TENM4: variants seen among roughly 807,000 people sequenced by gnomAD.
TENM4 encodes teneurin transmembrane protein 4.
TENM4 carries 82 observed loss-of-function variants against 243.3 expected under a neutral mutation model. The ratio of observed to expected loss-of-function variants is 0.34; its 90% CI spans 0.28 to 0.40. The LOEUF is 0.40. TENM4 is among the 10% of genes least tolerant of loss of function. The pLI is 1.00. For missense variants in TENM4, 3,138 were observed against 3,673.3 expected, an observed-to-expected ratio of 0.85 and a Z score of 3.77; for synonymous variants, 1,412 against 1,456.3, an observed-to-expected ratio of 0.97 and a Z score of 0.69.
intron 1 of TENM4, among the ~76,000 whole-genome samples, chr11:79,309,274 TG>T (rs1856679826): frequency 6.6e-6 from 1 of 152,202 alleles, no homozygotes; most frequent in Non-Finnish European, 1.5e-5. Flanking sequence ...TGCAGCCCCT[TG>T]GGTTTACAGG....
intron 12 of TENM4, among the ~76,000 whole-genome samples, chr11:78,831,462 G>A (rs1262013379): frequency 1.3e-5 from 2 of 152,204 alleles, no homozygotes; most frequent in South Asian, 2.1e-4. Context: ...AAGTGCTTGC[G>A]GTAATAAATG....
At chr11:79,042,906 G>A (rs1462490901) in intron 6 of TENM4, among the ~76,000 whole-genome samples, 1 of 152,098 alleles carries the variant, frequency 6.6e-6, no homozygotes, top group Admixed American at 6.6e-5. Flanking sequence ...TTCCTAGAAA[G>A]CTTTTTAGTA....
At chr11:78,738,694 G>A in intron 19 of TENM4, 124 bp from the exon 20 acceptor site, 1 of 915,862 alleles carries the variant, frequency 1.1e-6, no homozygotes, top group Non-Finnish European at 1.6e-6. Flanking sequence ...GTACCCAGGG[G>A]TTCATGGTGT....
chr11:78,927,594 T>C (rs1856579379), intron 6 of TENM4, among the ~76,000 whole-genome samples: 1 of 152,206 alleles, frequency 6.6e-6, no homozygotes. Context: ...TACCTCCCTT[T>C]GCTCAGCGTC....
intron 15 of TENM4, among the ~76,000 whole-genome samples, chr11:78,800,639 T>G (rs1265774319): frequency 6.6e-6 from 1 of 152,064 alleles, no homozygotes; most frequent in African/African-American, 2.4e-5. Flanking sequence ...GACTATTCAC[T>G]GGTTAAGTCA....
chr11:79,241,999 CA>C (rs758048968), intron 2 of TENM4, among the ~76,000 whole-genome samples: 5 of 152,148 alleles, frequency 3.3e-5, no homozygotes, highest in Non-Finnish European at 5.9e-5. Context: ...ATAAGGCAAC[CA>C]GCCCGAATTT....
chr11:79,421,488 A>G (rs1257316811), intron 1 of TENM4, among the ~76,000 whole-genome samples: 1 of 152,234 alleles, frequency 6.6e-6, no homozygotes, highest in Non-Finnish European at 1.5e-5. Flanking sequence ...TATTGAAACT[A>G]TAACGATGGG....
intron 1 of TENM4, among the ~76,000 whole-genome samples, chr11:79,430,023 A>G (rs966470995): frequency 6.6e-6 from 1 of 152,172 alleles, no homozygotes; most frequent in Non-Finnish European, 1.5e-5. Flanking sequence ...TCAAGCCACC[A>G]AGAGGTGAAA....
chr11:79,191,826 A>C (rs1475841401), intron 3 of TENM4: 1 of 176,744 alleles, frequency 5.7e-6, no homozygotes, highest in Non-Finnish European at 1.1e-5. Context: ...GCCCCGTCTG[A>C]GAAGTGAGGA....
chr11:79,390,555 C>T (rs1430929986), intron 1 of TENM4, among the ~76,000 whole-genome samples: 1 of 152,080 alleles, frequency 6.6e-6, no homozygotes, highest in Non-Finnish European at 1.5e-5. Context: ...CTGGGGCCCA[C>T]AGAGAAAGTG....
chr11:79,394,401 T>C (rs1858298949), intron 1 of TENM4, among the ~76,000 whole-genome samples: 1 of 152,178 alleles, frequency 6.6e-6, no homozygotes, highest in Non-Finnish European at 1.5e-5. Context: ...GTCCTCCTCC[T>C]TCTGTCACTT....
intron 2 of TENM4, among the ~76,000 whole-genome samples, chr11:79,296,150 A>G (rs1412263241): frequency 6.6e-6 from 1 of 152,180 alleles, no homozygotes; most frequent in African/African-American, 2.4e-5. Flanking sequence ...ATCCTCAAGA[A>G]GTTGTGATCC....
At chr11:79,136,116 A>G (rs1202451276) in intron 4 of TENM4, among the ~76,000 whole-genome samples, 3 of 152,048 alleles carry the variant, frequency 2.0e-5, no homozygotes, top group African/African-American at 4.8e-5. Flanking sequence ...GTGCACCAAA[A>G]TCTCACAAAT....
intron 2 of TENM4, among the ~76,000 whole-genome samples, chr11:79,278,089 C>T (rs1006689065): frequency 1.3e-5 from 2 of 152,166 alleles, no homozygotes; most frequent in Non-Finnish European, 2.9e-5. Context: ...AAAGAGAAAG[C>T]AGATTTGAGA....
chr11:79,293,522 A>G (rs72949048), intron 2 of TENM4, among the ~76,000 whole-genome samples: 45 of 25,576 alleles, frequency 1.8e-3, no homozygotes, highest in Middle Eastern at 0.17. Flanking sequence ...AAAAAAAAAG[A>G]AAAAAAAAAA....
At chr11:78,694,295 T>C (rs563289970) in intron 28 of TENM4, among the ~76,000 whole-genome samples, 2 of 152,332 alleles carry the variant, frequency 1.3e-5, no homozygotes, top group Non-Finnish European at 2.9e-5. Context: ...GGGCACTGTA[T>C]TGTCTGTGGA....
chr11:79,170,383 G>T (rs1362557807), intron 3 of TENM4, among the ~76,000 whole-genome samples: 2 of 152,122 alleles, frequency 1.3e-5, no homozygotes, highest in Admixed American at 6.5e-5. Context: ...GGTGTTATAG[G>T]TCAAACAGCA....
At position 78,705,616 on chromosome 11, in the gene TENM4, C is replaced by T. The variant is rs190073441; in HGVS notation, c.4209+2745G>A. On this transcript the variant is annotated intron_variant, in intron 27 of 33. Transcript: ENST00000278550. The stretch of plus-strand genomic sequence containing the variant: ...GAATGGGACCCTCTTCCCTGTCCAC[C>T]GGAACATTCTGTGCCTTTATTAAAG... 2.0e-3 allele frequency among the ~76,000 whole-genome samples: 302 copies of T among 152,310 alleles called. 1 individual carries two copies. The highest frequency in any genetic ancestry group is 5.1e-3 in the African/African-American group (213 of 41,556).
intron 18 of TENM4, among the ~76,000 whole-genome samples, chr11:78,766,155 A>G (rs1418695871): frequency 1.3e-5 from 2 of 152,216 alleles, no homozygotes. Context: ...AAGGTCACAC[A>G]GTGAGCAAAT....
Sources: allele counts gnomAD v4.1 joint callset (sites outside exome capture counted in the v4.1 genomes callset), GRCh38; gene constraint gnomAD v4.1.1; transcripts MANE v1.5; gene names NCBI Gene and HGNC (gene_info 2026-07-23, HGNC 2026-07-21).